Variants in WIF1 observed in about 807,000 individuals in gnomAD.
The protein encoded by WIF1 is Wnt inhibitory factor 1.
In WIF1, 35 loss-of-function variants were observed where a neutral mutation model predicts 53.5. The observed-to-expected ratio is 0.65, with a 90% CI of 0.50 to 0.87. The LOEUF is 0.87. Ranked by LOEUF, WIF1 falls within the 40% of genes least tolerant of loss-of-function variation. The pLI is 0.00. For synonymous variants in WIF1, 171 were observed against 170.4 expected (o/e 1.00, Z -0.03); for missense variants, 467 against 476.8 (o/e 0.98, Z 0.19).
intron 2 of WIF1, among the ~76,000 whole-genome samples, chr12:65,113,219 G>A (rs1476422959): frequency 6.6e-6 from 1 of 152,164 alleles, no homozygotes; most frequent in Non-Finnish European, 1.5e-5. Context: ...AAGAAGCCCT[G>A]AACTGATAAG....
rs773574319 is a variant in WIF1, at chr12:65,055,170, T to C, written c.966A>G (p.Glu322=). 1.2e-6 allele frequency: 2 copies of C among 1,614,224 alleles called. No individual in the cohort carries two copies. Among genetic ancestry groups the C allele is most frequent in the South Asian group, 2.2e-5 (2 of 91,088 alleles). ...CTTCTTGACATTGGCATTTGTTGGG[T>C]TCATGGCAGGTTCCATGTGCACCAC... ...PGCGAHGTCH[E]PNKCQCQEGW... is the part of the protein sequence containing the mutation. Residue 322 remains glutamate, a synonymous_variant, in exon 9 of 10, where the codon GAA becomes GAG. Coordinates refer to ENST00000286574, the MANE Select transcript of WIF1 (RefSeq NM_007191.5).
At chr12:65,094,879 C>T (rs779669750) in intron 2 of WIF1, among the ~76,000 whole-genome samples, 1 of 151,206 alleles carries the variant, frequency 6.6e-6, no homozygotes, top group Non-Finnish European at 1.5e-5. Context: ...GGATTCTCCT[C>T]CTCCTCCTCC....
At chr12:65,062,869 T>C (rs1280115333) in intron 6 of WIF1, among the ~76,000 whole-genome samples, 3 of 152,120 alleles carry the variant, frequency 2.0e-5, no homozygotes, top group Non-Finnish European at 2.9e-5. Flanking sequence ...TTCTTATACA[T>C]AGCTATGCCC....
chr12:65,067,629 T>C (rs1019541602), intron 5 of WIF1, 66 bp downstream of exon 5: 8 of 1,479,844 alleles, frequency 5.4e-6, no homozygotes, highest in African/African-American at 2.8e-5. Context: ...ACAATACACA[T>C]GGGGCTCCTG....
intron 2 of WIF1, among the ~76,000 whole-genome samples, chr12:65,109,058 T>C (rs1883390762): frequency 6.6e-6 from 1 of 152,228 alleles, no homozygotes; most frequent in East Asian, 1.9e-4. Flanking sequence ...CTTAGACCCA[T>C]ATTCCTCAGT....
rs1462516182 is a variant in WIF1, at chr12:65,120,363, T to G, written c.288+54A>C. 1.9e-6 allele frequency: 3 copies of G among 1,580,478 alleles called. No homozygotes were observed. The East Asian group carries it at 6.7e-5, about 35-fold the overall frequency. ...AGGCTACACACTATACAGTACTATT[T>G]CCACCTGCCATAAGGCAGTGGAAAT... On this transcript the variant is annotated intron_variant, in intron 2 of 9. Transcript: ENST00000286574.
chr12:65,088,271 T>G (rs1883071440), intron 2 of WIF1, among the ~76,000 whole-genome samples: 1 of 152,158 alleles, frequency 6.6e-6, no homozygotes, highest in Non-Finnish European at 1.5e-5. Flanking sequence ...TCCTGCTATC[T>G]TCTCTCAACT....
intron 2 of WIF1, among the ~76,000 whole-genome samples, chr12:65,112,974 C>T (rs1883455515): frequency 6.6e-6 from 1 of 152,166 alleles, no homozygotes; most frequent in Non-Finnish European, 1.5e-5. Context: ...TTCCTAACCT[C>T]ATTTGGATGA....
chr12:65,077,834 G>T lies in WIF1; in HGVS notation c.309C>A (p.Phe103Leu). ...CTTTATCCAGGGAGCGCAAGGACAG[G>T]AATTCATAGAAGTATTCTGCCTACA... The part of the protein sequence containing the change: ...AAGQAEYFYE[F>L]LSLRSLDKGI... The change falls in exon 3 of 10, where the codon TTC (phenylalanine) becomes TTA (leucine). Residue 103 changes from phenylalanine to leucine, a missense_variant. By Grantham distance (22) the Phe-to-Leu change is conservative (BLOSUM62 0). Coordinates refer to ENST00000286574, the MANE Select transcript of WIF1 (RefSeq NM_007191.5). The T allele has an allele frequency of 6.2e-7, 1 of 1,613,644 alleles. No homozygotes were observed.
At chr12:65,084,352 C>T (rs572892974) in intron 2 of WIF1, among the ~76,000 whole-genome samples, 40 of 152,288 alleles carry the variant, frequency 2.6e-4, no homozygotes, top group African/African-American at 8.4e-4. Context: ...ATAAGGCCTT[C>T]GGCCTGTTAG....
At chr12:65,076,288 C>T (rs1048051930) in intron 3 of WIF1, among the ~76,000 whole-genome samples, 2 of 151,982 alleles carry the variant, frequency 1.3e-5, no homozygotes, top group Admixed American at 6.6e-5. Flanking sequence ...CCTCCCCCCT[C>T]GGCCCCCCAA....
At chr12:65,110,916 A>G (rs893401262) in intron 2 of WIF1, among the ~76,000 whole-genome samples, 4 of 152,196 alleles carry the variant, frequency 2.6e-5, no homozygotes, top group African/African-American at 9.6e-5. Flanking sequence ...GTTTTATTAG[A>G]GAGGGGAGTC....
rs756773983 is a variant in WIF1 at position 65,077,786 on chromosome 12, G to T, written c.357C>A (p.Val119=). The change falls in exon 3 of 10, where the codon GTC becomes GTA. Residue 119 remains valine, a synonymous_variant. Coordinates refer to ENST00000286574, the MANE Select transcript of WIF1 (RefSeq NM_007191.5). ...GCACTGTTCCCAGCAGAGGGACATT[G>T]ACGGTTGGATCTGCCATGATGCCTT... ...LDKGIMADPT[V]NVPLLGTVPH... The T allele has an allele frequency of 6.2e-7, 1 of 1,613,934 alleles. No individual in the cohort carries two copies. Among genetic ancestry groups the T allele is most frequent in the South Asian group, 1.1e-5 (1 of 91,074 alleles).
At chr12:65,058,377 G>A (rs998720088) in intron 7 of WIF1, among the ~76,000 whole-genome samples, 5 of 152,304 alleles carry the variant, frequency 3.3e-5, no homozygotes. Context: ...TATGAGGGGT[G>A]AAGTTGGTAA....
intron 2 of WIF1, among the ~76,000 whole-genome samples, chr12:65,090,298 ACT>A (rs1883103589): frequency 6.6e-6 from 1 of 151,938 alleles, no homozygotes; most frequent in African/African-American, 2.4e-5. Flanking sequence ...TTGAATTCTA[ACT>A]CTACTATTTA....
intron 6 of WIF1, among the ~76,000 whole-genome samples, chr12:65,065,974 G>A (rs868285674): frequency 2.6e-4 from 39 of 152,072 alleles, no homozygotes; most frequent in African/African-American, 8.0e-4. Context: ...GTATTGAATC[G>A]GGAGTCAGTA....
In WIF1 at chr12:65,055,153, C is replaced by G; in HGVS notation, c.983G>C (p.Cys328Ser). ...GTCHEPNKCQ[C>S]QEGWHGRHCN... ...GTGTCTTCCATGCCAACCTTCTTGA[C>G]ATTGGCATTTGTTGGGTTCATGGCA... is the stretch of plus-strand genomic sequence containing the variant. The change falls in exon 9 of 10, where the codon TGT (cysteine) becomes TCT (serine). Residue 328 changes from cysteine (C) to serine (S), a missense_variant. Cys to Ser is a moderately radical substitution (Grantham distance 112). Transcript: ENST00000286574. 6.2e-7 allele frequency: 1 copy of G among 1,614,154 alleles called. No individual in the cohort carries two copies. Among genetic ancestry groups the G allele is most frequent in the South Asian group, 1.1e-5 (1 of 91,084 alleles).
intron 2 of WIF1, among the ~76,000 whole-genome samples, chr12:65,097,529 A>G (rs776155557): frequency 3.9e-5 from 6 of 152,280 alleles, no homozygotes; most frequent in South Asian, 4.1e-4. Flanking sequence ...TCAGAAACCA[A>G]TCTATTAGAT....
intron 2 of WIF1, among the ~76,000 whole-genome samples, chr12:65,098,487 CATG>C (rs1417491134): frequency 1.3e-5 from 2 of 152,136 alleles, no homozygotes; most frequent in African/African-American, 4.8e-5. Context: ...GCATGCTTTC[CATG>C]ATATCATATG....
Sources: gnomAD v4.1 joint callset for allele counts (sites outside exome capture counted in the v4.1 genomes callset) on GRCh38, gnomAD v4.1.1 for gene constraint, MANE v1.5 for transcripts, NCBI Gene and HGNC (gene_info 2026-07-23, HGNC 2026-07-21) for gene names.